SPECC1L: variants seen among roughly 807,000 people sequenced by gnomAD.
SPECC1L encodes cytospin-A.
In SPECC1L, 40 loss-of-function variants were observed where a neutral mutation model predicts 116.8. The ratio of observed to expected loss-of-function variants is 0.34; its 90% CI spans 0.27 to 0.45. The LOEUF (loss-of-function observed/expected upper bound fraction) is 0.45, where lower values mean the gene tolerates loss of function less well. Ranked by LOEUF, SPECC1L falls within the 20% of genes least tolerant of loss-of-function variation. The probability of loss-of-function intolerance (pLI) is 1.00; values close to 1 mark genes in which losing one functional copy is unlikely to be tolerated. For missense variants in SPECC1L, 1,110 were observed against 1,373.6 expected (o/e 0.81, Z 3.03); for synonymous variants, 504 against 500.6 (o/e 1.01, Z -0.09).
intron 11 of SPECC1L, among the ~76,000 whole-genome samples, chr22:24,351,664 A>G (rs774643755): frequency 6.6e-6 from 1 of 152,188 alleles, no homozygotes; most frequent in East Asian, 1.9e-4. Context: ...ACAGTCATTC[A>G]AGAAAAGAAC....
chr22:24,297,756 G>T (rs527997889), intron 2 of SPECC1L, among the ~76,000 whole-genome samples: 27 of 152,258 alleles, frequency 1.8e-4, no homozygotes, highest in Non-Finnish European at 2.8e-4. Context: ...AATCTTGTGC[G>T]GTCTCATTGT....
chr22:24,356,900 T>C (rs182579346), intron 11 of SPECC1L, among the ~76,000 whole-genome samples: 67 of 152,100 alleles, frequency 4.4e-4, no homozygotes, highest in Admixed American at 1.0e-3. Context: ...TGTGGGGGAT[T>C]GTTTTATGCA....
intron 6 of SPECC1L, among the ~76,000 whole-genome samples, chr22:24,327,068 A>G (rs1051430566): frequency 6.6e-6 from 1 of 152,062 alleles, no homozygotes. Context: ...TCATGAGGTC[A>G]GGAGTTCAAG....
At chr22:24,333,643 G>C (rs1359619440) in intron 8 of SPECC1L, among the ~76,000 whole-genome samples, 4 of 151,442 alleles carry the variant, frequency 2.6e-5, no homozygotes, top group Admixed American at 2.6e-4. Flanking sequence ...AAGAGTGTGG[G>C]CTAAGCATGA....
rs567136477 is a variant in SPECC1L at position 24,357,535 on chromosome 22, T to A, written c.2744-5726T>A. On this transcript the variant is annotated intron_variant, in intron 11 of 16. Coordinates refer to ENST00000314328, the MANE Select transcript of SPECC1L (RefSeq NM_015330.6). ...GGTATGTTGGCTTTTTCTTGGCTTT[T>A]TGTATATTTTACAATTCTTTATTGA... 1.4e-3 allele frequency among the ~76,000 whole-genome samples: 214 copies of A among 152,380 alleles called. 2 individuals are homozygous for A. Among genetic ancestry groups the A allele is most frequent in the African/African-American group, 4.9e-3 (205 of 41,590 alleles).
chr22:24,390,867 C>CTTTTTTTTTTTTTTTTTTTTTTTTT (rs1556306072), intron 14 of SPECC1L, among the ~76,000 whole-genome samples: 12 of 47,604 alleles, frequency 2.5e-4, no homozygotes, highest in Non-Finnish European at 3.2e-4. Flanking sequence ...TTTTTTTTTT[C>CTTTTTTTTTTTTTTTTTTTTTTTTT]TTTTCTTTTT....
At chr22:24,410,621 A>G (rs2042677113) in intron 14 of SPECC1L, among the ~76,000 whole-genome samples, 1 of 152,198 alleles carries the variant, frequency 6.6e-6, no homozygotes, top group Non-Finnish European at 1.5e-5. Context: ...GTATTTTCAG[A>G]TTACTTTTTT....
chr22:24,352,180 C>CT (rs753140709), intron 11 of SPECC1L, among the ~76,000 whole-genome samples: 1 of 152,158 alleles, frequency 6.6e-6, no homozygotes, highest in African/African-American at 2.4e-5. Context: ...CTGGTGCCAC[C>CT]TTAGTGAATC....
rs200205936 is a variant in SPECC1L, at chr22:24,333,558, CT to C, written c.2397-838del. Among the ~76,000 whole-genome samples, 839 of 135,280 alleles carry C rather than the reference CT, an allele frequency of 6.2e-3. 3 individuals carry two copies. The highest frequency in any genetic ancestry group is 9.9e-3 in the African/African-American group (366 of 37,008). The allele number at this position is 135,280 out of a possible 152,430, so 88.7% of individuals were successfully genotyped here. ...CTCATGTTACTAATATGGGTCTAGG[CT>C]TTTTTTTTTTTTTCTTTGTAGAATT... On this transcript the variant is annotated intron_variant, in intron 8 of 16. Coordinates refer to ENST00000314328, the MANE Select transcript of SPECC1L (RefSeq NM_015330.6).
Position 24,365,538 on chromosome 22 carries a change from G to T in SPECC1L, c.2890G>T (p.Ala964Ser). Residue 964 changes from alanine to serine, a missense_variant, in exon 13 of 17, where the codon GCC becomes TCC. This residue lies in a region of SPECC1L where 575 missense variants were observed against 682.4 expected (regional missense o/e 0.84). Coordinates refer to ENST00000314328, the MANE Select transcript of SPECC1L (RefSeq NM_015330.6). ...DISAQEGASP[A>S]SLMAMGTTSP... ...TTCTGCACAGGAGGGAGCGTCGCCAGCCTCTCTGATGGCTATGGGAACCAC... is the reference window on the plus strand; with the variant it reads ...TTCTGCACAGGAGGGAGCGTCGCCATCCTCTCTGATGGCTATGGGAACCAC... The T allele has an allele frequency of 6.2e-7, 1 of 1,614,120 alleles. No homozygotes were observed. Among genetic ancestry groups the T allele is most frequent in the Non-Finnish European group, 8.5e-7 (1 of 1,180,018 alleles).
chr22:24,395,828 A>G (rs2042357264), intron 14 of SPECC1L, among the ~76,000 whole-genome samples: 1 of 152,140 alleles, frequency 6.6e-6, no homozygotes, highest in Non-Finnish European at 1.5e-5. Flanking sequence ...TTTAATAGAG[A>G]CAGGGTTTCA....
chr22:24,359,249 T>G (rs1478748077), intron 11 of SPECC1L, among the ~76,000 whole-genome samples: 1 of 152,164 alleles, frequency 6.6e-6, no homozygotes, highest in African/African-American at 2.4e-5. Context: ...TATTAATTGC[T>G]CTGACCAAGA....
intron 3 of SPECC1L, among the ~76,000 whole-genome samples, chr22:24,307,288 G>A (rs547396350): frequency 4.6e-5 from 7 of 152,208 alleles, no homozygotes; most frequent in Middle Eastern, 3.4e-3. Flanking sequence ...CAATTTTTTC[G>A]CGTCCTCTGC....
intron 14 of SPECC1L, among the ~76,000 whole-genome samples, chr22:24,391,016 C>T (rs1399449053): frequency 6.6e-6 from 1 of 151,200 alleles, no homozygotes; most frequent in Non-Finnish European, 1.5e-5. Flanking sequence ...GCTGGGATTA[C>T]AGGCGCATGC....
At chr22:24,346,721 A>G (rs1157361535) in intron 10 of SPECC1L, among the ~76,000 whole-genome samples, 2 of 152,184 alleles carry the variant, frequency 1.3e-5, no homozygotes, top group Non-Finnish European at 1.5e-5. Flanking sequence ...TATCAGTAAC[A>G]TATAAATGAC....
chr22:24,413,623 G>A lies in SPECC1L; in HGVS notation c.3265-911G>A, dbSNP rs140592032. ...CTAGAAATGTGCATTTTTTAGGGTGGCCTCTGTTCACCTGTACAGGGAAAA... is the reference window on the plus strand; with the variant it reads ...CTAGAAATGTGCATTTTTTAGGGTGACCTCTGTTCACCTGTACAGGGAAAA... On this transcript the variant is annotated intron_variant, in intron 16 of 16. Transcript: ENST00000314328. Among the ~76,000 whole-genome samples the A allele has an allele frequency of 9.2e-5, 14 of 152,284 alleles. No individual in the cohort carries two copies. The East Asian group carries it at 2.7e-3, about 29-fold the overall frequency.
chr22:24,364,350 TATTG>T (rs2041707357), intron 12 of SPECC1L, among the ~76,000 whole-genome samples: 1 of 152,156 alleles, frequency 6.6e-6, no homozygotes, highest in African/African-American at 2.4e-5. Flanking sequence ...TTTTCTGTCT[TATTG>T]ATTTAGTTTT....
chr22:24,288,949 T>C (rs1348042288), intron 2 of SPECC1L, among the ~76,000 whole-genome samples: 2 of 152,230 alleles, frequency 1.3e-5, no homozygotes, highest in African/African-American at 4.8e-5. Flanking sequence ...AGAAAGGATT[T>C]TTTACATTGT....
chr22:24,408,411 C>T (rs2042631590), intron 14 of SPECC1L, among the ~76,000 whole-genome samples: 1 of 152,248 alleles, frequency 6.6e-6, no homozygotes, highest in Non-Finnish European at 1.5e-5. Context: ...AGGTCTTACC[C>T]TCAGGACTGC....
Sources: gnomAD v4.1 joint callset for allele counts (sites outside exome capture counted in the v4.1 genomes callset) on GRCh38, gnomAD v4.1.1 for gene constraint, gnomAD v4.1.1 regional missense constraint, MANE v1.5 for transcripts, NCBI Gene and HGNC (gene_info 2026-07-23, HGNC 2026-07-21) for gene names.